The following MMP16 variants were observed in gnomAD, a reference collection of about 807,000 sequenced individuals.
MMP16 encodes the protein matrix metalloproteinase-16.
Under a neutral mutation model 67.8 loss-of-function variants are expected in MMP16, and 12 were observed. That is an observed-to-expected ratio of 0.18 (90% CI 0.11 to 0.29). The LOEUF (loss-of-function observed/expected upper bound fraction) is 0.29. Among genes scored for constraint, MMP16 ranks in the 10% least tolerant of loss-of-function variants. MMP16 has a pLI of 1.00. For synonymous variants in MMP16, 249 were observed against 255.9 expected, an observed-to-expected ratio of 0.97 and a Z score of 0.26; for missense variants, 475 against 765.7, an observed-to-expected ratio of 0.62 and a Z score of 4.48.
chr8:88,205,543 T>C (rs529925662), intron 1 of MMP16, among the ~76,000 whole-genome samples: 1 of 151,520 alleles, frequency 6.6e-6, no homozygotes, highest in East Asian at 1.9e-4. Flanking sequence ...CAGCCTTGCA[T>C]GGTCCAATTT....
chr8:88,083,049 G>C (rs1041942472), intron 6 of MMP16, among the ~76,000 whole-genome samples: 7 of 151,918 alleles, frequency 4.6e-5, no homozygotes, highest in Non-Finnish European at 8.8e-5. Flanking sequence ...AGGATTTCTG[G>C]TATTATAAAT....
At chr8:88,317,040 A>G (rs1160019379) in intron 1 of MMP16, among the ~76,000 whole-genome samples, 3 of 152,210 alleles carry the variant, frequency 2.0e-5, no homozygotes, top group Non-Finnish European at 4.4e-5. Flanking sequence ...ACAGATAAGC[A>G]AAGAGTGGTT....
chr8:88,106,956 T>A (rs552703733), intron 6 of MMP16, among the ~76,000 whole-genome samples: 1 of 151,216 alleles, frequency 6.6e-6, no homozygotes, highest in African/African-American at 2.4e-5. Flanking sequence ...ATCCTGTACC[T>A]TATTTAGAAA....
At chr8:88,316,476 A>T (rs1355805506) in intron 1 of MMP16, among the ~76,000 whole-genome samples, 2 of 152,164 alleles carry the variant, frequency 1.3e-5, no homozygotes, top group East Asian at 1.9e-4. Context: ...TGCTAAATCT[A>T]CCCTGCTCTA....
At chr8:88,269,592 T>C (rs957031955) in intron 1 of MMP16, among the ~76,000 whole-genome samples, 1 of 152,132 alleles carries the variant, frequency 6.6e-6, no homozygotes, top group East Asian at 1.9e-4. Context: ...ACCTGACCAA[T>C]TGTTACTATA....
chr8:88,288,155 T>TA (rs1810863075), intron 1 of MMP16, among the ~76,000 whole-genome samples: 1 of 152,182 alleles, frequency 6.6e-6, no homozygotes, highest in African/African-American at 2.4e-5. Context: ...CTCTTGTACT[T>TA]AAAAATCAAT....
At chr8:88,049,057 T>C (rs1367184460) in intron 8 of MMP16, among the ~76,000 whole-genome samples, 1 of 152,150 alleles carries the variant, frequency 6.6e-6, no homozygotes, top group Non-Finnish European at 1.5e-5. Flanking sequence ...TACTAAGAAG[T>C]AATGCCCAAA....
chr8:88,153,593 C>A (rs1286369758), intron 4 of MMP16, among the ~76,000 whole-genome samples: 1 of 151,674 alleles, frequency 6.6e-6, no homozygotes, highest in Non-Finnish European at 1.5e-5. Context: ...TTTGACAAAC[C>A]TGAGAAAAAC....
chr8:88,176,101 C>T (rs569964965), intron 3 of MMP16, among the ~76,000 whole-genome samples: 27 of 152,150 alleles, frequency 1.8e-4, no homozygotes, highest in South Asian at 6.2e-4. Flanking sequence ...CTTTGCACAC[C>T]GGGACACTAA....
intron 4 of MMP16, among the ~76,000 whole-genome samples, chr8:88,132,694 C>T (rs1808052506): frequency 6.6e-6 from 1 of 151,798 alleles, no homozygotes; most frequent in Non-Finnish European, 1.5e-5. Flanking sequence ...AGTGATTCAC[C>T]ATTACTTCTT....
chr8:88,201,777 T>C (rs1563560814), intron 1 of MMP16, among the ~76,000 whole-genome samples: 1 of 152,074 alleles, frequency 6.6e-6, no homozygotes, highest in Admixed American at 6.6e-5. Flanking sequence ...CAAAGTAAAA[T>C]TAACTAACAA....
intron 7 of MMP16, among the ~76,000 whole-genome samples, chr8:88,065,076 T>C (rs1808446923): frequency 6.6e-6 from 1 of 152,104 alleles, no homozygotes; most frequent in South Asian, 2.1e-4. Flanking sequence ...ATGTGAGTCC[T>C]CTAAGAGGCA....
At chr8:88,146,125 A>T (rs895795980) in intron 4 of MMP16, among the ~76,000 whole-genome samples, 1 of 151,912 alleles carries the variant, frequency 6.6e-6, no homozygotes, top group Admixed American at 6.6e-5. Flanking sequence ...TCAATTCTCA[A>T]TTCAAATGCT....
chr8:88,145,850 G>T lies in MMP16; in HGVS notation c.709+21819C>A, dbSNP rs1996638. Among the ~76,000 whole-genome samples the T allele has an allele frequency of 7.1e-3, 1,072 of 152,008 alleles. 17 individuals are homozygous for T. The highest frequency in any genetic ancestry group is 0.025 in the African/African-American group (1,018 of 41,524). On this transcript the variant is annotated intron_variant, in intron 4 of 9. Transcript: ENST00000286614. ...CAGTTAGAAAAGACTGAAGATATTT[G>T]GTTGTTGTAATTCAGAAATGCTACC...
At chr8:88,106,967 C>T (rs746855634) in intron 6 of MMP16, among the ~76,000 whole-genome samples, 8 of 151,102 alleles carry the variant, frequency 5.3e-5, no homozygotes, top group Non-Finnish European at 8.9e-5. Context: ...TATTTAGAAA[C>T]AACTCAATTT....
Position 88,037,652 on chromosome 8 carries a change from T to C in MMP16, c.*3809A>G, listed in dbSNP as rs1808072449. On this transcript the variant is annotated 3_prime_UTR_variant, in exon 10 of 10. Transcript: ENST00000286614. Reference sequence around the variant, plus strand: ...CAGACACTGTTCTGAAATGAGTCAATAAATTCACAACCTTATCTACAATTC... The same window carrying C: ...CAGACACTGTTCTGAAATGAGTCAACAAATTCACAACCTTATCTACAATTC... 1 of 152,028 alleles carries C rather than the reference T, an allele frequency of 6.6e-6. No homozygotes were observed. Among genetic ancestry groups the C allele is most frequent in the African/African-American group, 2.4e-5 (1 of 41,436 alleles). The allele number at this position is 152,028 out of a possible 1,614,324, so 9.4% of individuals were successfully genotyped here.
intron 4 of MMP16, among the ~76,000 whole-genome samples, chr8:88,162,612 C>T (rs563604993): frequency 9.2e-5 from 14 of 152,112 alleles, no homozygotes; most frequent in Middle Eastern, 3.4e-3. Flanking sequence ...TAGGCATCTT[C>T]GTAAATATCC....
intron 1 of MMP16, among the ~76,000 whole-genome samples, chr8:88,236,036 A>G (rs562681208): frequency 6.6e-6 from 1 of 152,384 alleles, no homozygotes; most frequent in African/African-American, 2.4e-5. Flanking sequence ...CAGGAATGCT[A>G]TAGCAATAAA....
chr8:88,041,684 C>T lies in MMP16; in HGVS notation c.1601G>A (p.Gly534Glu), dbSNP rs747698919. 3 of 1,614,014 alleles carry T rather than the reference C, an allele frequency of 1.9e-6. No individual in the cohort carries two copies. In the Admixed American group the frequency reaches 5.0e-5, roughly 27 times the overall value. Residue 534 changes from glycine to glutamate, a missense_variant, in exon 10 of 10, where the codon GGA becomes GAA. Physicochemically the swap from Gly to Glu is moderately conservative, Grantham distance 98. This residue lies in a region of MMP16 where 80 missense variants were observed against 93.4 expected (regional missense o/e 0.86). Coordinates refer to ENST00000286614, the MANE Select transcript of MMP16 (RefSeq NM_005941.5). This position sits in a 1 kb window ranked among gnomAD's most constrained non-coding sequence, Gnocchi z 6.0. Reference sequence around the variant, plus strand: ...TCCTTCTTTAACTCTGTCTGTTGGTCCATCACAGCCCATAAAATCCTTGAG... The same window carrying T: ...TCCTTCTTTAACTCTGTCTGTTGGTTCATCACAGCCCATAAAATCCTTGAG... Reference protein sequence around the residue: ...SILKDFMGCDGPTDRVKEGHS... With the variant: ...SILKDFMGCDEPTDRVKEGHS...
Sources: gnomAD v4.1 joint callset for allele counts (sites outside exome capture counted in the v4.1 genomes callset) on GRCh38, gnomAD v4.1.1 for gene constraint, gnomAD v4.1.1 regional missense constraint, Gnocchi (gnomAD v3.1) non-coding constraint, MANE v1.5 for transcripts, NCBI Gene and HGNC (gene_info 2026-07-23, HGNC 2026-07-21) for gene names.